The following PATL2 variants were observed in gnomAD, a reference collection of about 807,000 sequenced individuals.
The protein encoded by PATL2 is protein PAT1 homolog 2.
PATL2 carries 73 observed loss-of-function variants against 77.0 expected under a neutral mutation model. The ratio of observed to expected loss-of-function variants is 0.95; its 90% CI spans 0.78 to 1.15. PATL2 has a LOEUF of 1.15. Among genes scored for constraint, PATL2 ranks in the 50% most tolerant of loss-of-function variants. The pLI is 0.00. For synonymous variants in PATL2, 265 were observed against 257.1 expected, an observed-to-expected ratio of 1.03 and a Z score of -0.29; for missense variants, 618 against 655.4, an observed-to-expected ratio of 0.94 and a Z score of 0.62.
In PATL2 at chr15:44,710,938, A is replaced by G. The variant is rs2086848674; in HGVS notation, c.-253-9T>C. The G allele has an allele frequency of 6.2e-6, 1 of 161,840 alleles. No homozygotes were observed. 10.0% of individuals were successfully genotyped at this position (161,840 alleles called of 1,614,324 possible). A position where few individuals can be genotyped will look rare whatever the true frequency, so the allele number is the denominator to read the frequency against. ...TTTCCAAACACTTTTTCCTGAAGGG[A>G]TACAAGAAGCAAGAAAGGTACTCTT... On this transcript the variant is annotated splice_polypyrimidine_tract_variant and intron_variant, in intron 1 of 17. Coordinates refer to ENST00000682850, the MANE Select transcript of PATL2 (RefSeq NM_001387263.1).
At chr15:44,685,106 A>G (rs543603135) in intron 3 of PATL2, among the ~76,000 whole-genome samples, 2 of 152,370 alleles carry the variant, frequency 1.3e-5, no homozygotes, top group Non-Finnish European at 2.9e-5. Context: ...AGCACTAAAC[A>G]TGGAAAGGAA....
At chr15:44,700,585 A>G (rs572241805) in intron 3 of PATL2, among the ~76,000 whole-genome samples, 12 of 152,260 alleles carry the variant, frequency 7.9e-5, no homozygotes, top group African/African-American at 2.6e-4. Flanking sequence ...TACAGCTGTG[A>G]GCCACCATGC....
At chr15:44,685,144 T>C (rs1392774471) in intron 3 of PATL2, among the ~76,000 whole-genome samples, 1 of 152,122 alleles carries the variant, frequency 6.6e-6, no homozygotes, top group Non-Finnish European at 1.5e-5. Context: ...TGCAAAAACA[T>C]ACCAAATTGT....
At chr15:44,676,117 C>G (rs2141212669) in intron 4 of PATL2, 2 of 366,150 alleles carry the variant, frequency 5.5e-6, no homozygotes, top group Admixed American at 4.3e-5. Flanking sequence ...TCTAGCACAG[C>G]CTTTTCCATC....
At chr15:44,667,330 A>G (rs1401658739) in intron 15 of PATL2, 127 bp from the exon 16 acceptor site, 1 of 694,476 alleles carries the variant, frequency 1.4e-6, no homozygotes, top group African/African-American at 1.8e-5. Flanking sequence ...AAATATCCAC[A>G]AGTGCTGTCA....
rs2085906705 is a variant in PATL2 at position 44,675,479 on chromosome 15, A to T, written c.222+7T>A. 2 of 1,550,172 alleles carry T rather than the reference A, an allele frequency of 1.3e-6. No homozygotes were observed. The highest frequency in any genetic ancestry group is 1.7e-6 in the Non-Finnish European group (2 of 1,146,090). ...CAACCCTCTCCCATTCCCTTCTGCCATGGTACCTGGGTGTTGTGGACAGCA... is the reference window on the plus strand; with the variant it reads ...CAACCCTCTCCCATTCCCTTCTGCCTTGGTACCTGGGTGTTGTGGACAGCA... On this transcript the variant is annotated splice_region_variant and intron_variant, in intron 5 of 17. Coordinates refer to ENST00000682850, the MANE Select transcript of PATL2 (RefSeq NM_001387263.1).
chr15:44,673,921 A>G (rs1309091865), intron 6 of PATL2, among the ~76,000 whole-genome samples: 1 of 152,190 alleles, frequency 6.6e-6, no homozygotes, highest in East Asian at 1.9e-4. Flanking sequence ...GTCCTTGTTC[A>G]TACAAATGGC....
chr15:44,673,398 T>C, intron 6 of PATL2, 21 bp from the exon 7 acceptor site: 1 of 1,551,096 alleles, frequency 6.4e-7, no homozygotes, highest in East Asian at 2.4e-5. Flanking sequence ...AATTAAGAGG[T>C]CTGGGAGAAC....
intron 13 of PATL2, 30 bp from the exon 14 acceptor site, chr15:44,669,169 A>G (rs966563357): frequency 7.3e-5 from 111 of 1,520,598 alleles, no homozygotes; most frequent in Non-Finnish European, 9.6e-5. Flanking sequence ...ACATTTTCAG[A>G]GCTCTGCATA....
chr15:44,673,445 G>A lies in PATL2; in HGVS notation c.304-68C>T, dbSNP rs980985727. The A allele has an allele frequency of 1.4e-5, 21 of 1,526,530 alleles. No individual in the cohort carries two copies. In the South Asian group the frequency reaches 2.4e-4, roughly 18 times the overall value. The allele number at this position is 1,526,530 out of a possible 1,614,324, so 94.6% of individuals were successfully genotyped here. Reference sequence around the variant, plus strand: ...CAAAAGAATGCTGCTCTTGTTGTGAGGGCTCAGTTCCTTTCCTACCTTTTC... The same window carrying A: ...CAAAAGAATGCTGCTCTTGTTGTGAAGGCTCAGTTCCTTTCCTACCTTTTC... On this transcript the variant is annotated intron_variant, in intron 6 of 17. Transcript: ENST00000682850.
chr15:44,677,916 T>C (rs1223182172), intron 3 of PATL2, among the ~76,000 whole-genome samples: 1 of 152,180 alleles, frequency 6.6e-6, no homozygotes, highest in African/African-American at 2.4e-5. Flanking sequence ...CTTGGCCCAC[T>C]GCAGCCTCCA....
In PATL2 at chr15:44,665,951, G is replaced by C. The variant is rs1471254853; in HGVS notation, c.*2C>G. 5 of 1,545,572 alleles carry C rather than the reference G, an allele frequency of 3.2e-6. 1 individual carries two copies. The highest frequency in any genetic ancestry group is 4.1e-5 in the Admixed American group (2 of 48,568). ...ACATACACGTATTCCAGAACAAACAGATCAGTAAATCCAGGCAAACCTATA... is the reference window on the plus strand; with the variant it reads ...ACATACACGTATTCCAGAACAAACACATCAGTAAATCCAGGCAAACCTATA... On this transcript the variant is annotated 3_prime_UTR_variant, in exon 18 of 18. Coordinates refer to ENST00000682850, the MANE Select transcript of PATL2 (RefSeq NM_001387263.1).
At chr15:44,675,830 G>T in intron 4 of PATL2, 139 bp from the exon 5 acceptor site, 1 of 738,434 alleles carries the variant, frequency 1.4e-6, no homozygotes, top group Non-Finnish European at 2.1e-6. Flanking sequence ...CTCCTGTTCT[G>T]TGGGTTTAAC....
chr15:44,707,500 C>T (rs1279418558), intron 3 of PATL2, among the ~76,000 whole-genome samples: 1 of 152,216 alleles, frequency 6.6e-6, no homozygotes, highest in Non-Finnish European at 1.5e-5. Flanking sequence ...CCCTTCTGGC[C>T]CAGGGTGTGG....
Position 44,669,293 on chromosome 15 carries a change from G to A in PATL2, c.1051C>T (p.Gln351Ter). Residue 351 changes from glutamine to a stop codon, truncating the protein, a stop_gained, in exon 13 of 18, where the codon CAG becomes TAG. Transcript: ENST00000682850. LOFTEE classifies it high-confidence loss of function. ...TCCCACACTCACTCCAGGTTGTTCT[G>A]CTCCTGGGTCTTTAAGGTCTGGAAG... ...KLFQTLKTQEQNNLEEAADGF... is the reference protein window; with the variant it reads ...KLFQTLKTQE The A allele has an allele frequency of 1.3e-6, 2 of 1,550,834 alleles. No individual in the cohort carries two copies. The highest frequency in any genetic ancestry group is 1.7e-6 in the Non-Finnish European group (2 of 1,146,302).
chr15:44,668,241 G>C, intron 15 of PATL2, 101 bp downstream of exon 15: 1 of 1,344,890 alleles, frequency 7.4e-7, no homozygotes, highest in Middle Eastern at 2.7e-4. Flanking sequence ...CACTGCAGAG[G>C]ATAAGATTTG....
At chr15:44,698,025 C>T (rs1341744664) in intron 3 of PATL2, among the ~76,000 whole-genome samples, 1 of 151,908 alleles carries the variant, frequency 6.6e-6, no homozygotes, top group African/African-American at 2.4e-5. Flanking sequence ...AGGTGCATAC[C>T]ACCATGCCTG....
rs1490914111 is a variant in PATL2 at position 44,676,227 on chromosome 15, C to T, written c.16+248G>A. On this transcript the variant is annotated intron_variant, in intron 4 of 17. Coordinates refer to ENST00000682850, the MANE Select transcript of PATL2 (RefSeq NM_001387263.1). ...ACCCTACTGTGTGCCATATACTTTA[C>T]GTGCATATGTTCATTTAACAGTAAT... 4.0e-5 allele frequency: 21 copies of T among 522,342 alleles called. No homozygotes were observed. In the Admixed American group the frequency reaches 4.7e-4, roughly 12 times the overall value. The allele number at this position is 522,342 out of a possible 1,614,324, so 32.4% of individuals were successfully genotyped here.
At chr15:44,703,668 G>A (rs1433009942) in intron 3 of PATL2, among the ~76,000 whole-genome samples, 5 of 138,032 alleles carry the variant, frequency 3.6e-5, no homozygotes, top group African/African-American at 1.4e-4. Flanking sequence ...TTTAGTCTAT[G>A]TGTGTCTTTA....
Sources: gnomAD v4.1 joint callset for allele counts (sites outside exome capture counted in the v4.1 genomes callset) on GRCh38, gnomAD v4.1.1 for gene constraint, MANE v1.5 for transcripts, NCBI Gene and HGNC (gene_info 2026-07-23, HGNC 2026-07-21) for gene names.